The following GRIA1 variants were observed in gnomAD, a reference collection of about 807,000 sequenced individuals.
The protein encoded by GRIA1 is glutamate ionotropic receptor AMPA type subunit 1.
GRIA1 carries 31 observed loss-of-function variants against 99.2 expected under a neutral mutation model. The ratio of observed to expected loss-of-function variants is 0.31; its 90% CI spans 0.23 to 0.42. GRIA1 has a LOEUF of 0.42. Among genes scored for constraint, GRIA1 ranks in the 10% least tolerant of loss-of-function variants. The pLI, the probability that GRIA1 is intolerant of heterozygous loss-of-function variation, is 1.00. For missense variants in GRIA1, 782 were observed against 1,157.5 expected, an observed-to-expected ratio of 0.68 and a Z score of 4.71; for synonymous variants, 438 against 432.4, an observed-to-expected ratio of 1.01 and a Z score of -0.16.
intron 10 of GRIA1, 130 bp from the exon 11 acceptor site, chr5:153,705,567 G>T: frequency 8.2e-7 from 1 of 1,225,212 alleles, no homozygotes; most frequent in Non-Finnish European, 1.1e-6. Flanking sequence ...GGACTTCAAA[G>T]GTTCTTTCCC....
At chr5:153,644,075 C>T (rs906868893) in intron 2 of GRIA1, among the ~76,000 whole-genome samples, 6 of 152,126 alleles carry the variant, frequency 3.9e-5, no homozygotes, top group Non-Finnish European at 8.8e-5. Flanking sequence ...CCTAAAAATA[C>T]TGTAGAGAGT....
chr5:153,640,472 A>G, intron 2 of GRIA1, among the ~76,000 whole-genome samples: 1 of 152,122 alleles, frequency 6.6e-6, no homozygotes, highest in South Asian at 2.1e-4. Flanking sequence ...CCATACCCTG[A>G]CCCCAGTCAT....
intron 2 of GRIA1, among the ~76,000 whole-genome samples, chr5:153,615,421 C>T (rs530054610): frequency 3.3e-5 from 5 of 152,232 alleles, no homozygotes; most frequent in South Asian, 2.1e-4. Flanking sequence ...ATGAAAGGAC[C>T]GCTTGAGACC....
intron 2 of GRIA1, among the ~76,000 whole-genome samples, chr5:153,519,091 C>A (rs538513139): frequency 6.6e-6 from 1 of 151,982 alleles, no homozygotes; most frequent in Non-Finnish European, 1.5e-5. Flanking sequence ...CGTGAAACCC[C>A]GTCTCTACCA....
intron 2 of GRIA1, among the ~76,000 whole-genome samples, chr5:153,524,320 A>G (rs549795102): frequency 6.6e-6 from 1 of 152,270 alleles, no homozygotes; most frequent in East Asian, 1.9e-4. Context: ...AGTGAGACTC[A>G]GTTTAAAAAA....
intron 11 of GRIA1, among the ~76,000 whole-genome samples, chr5:153,736,132 A>G (rs530968027): frequency 6.6e-6 from 1 of 152,314 alleles, no homozygotes; most frequent in African/African-American, 2.4e-5. Flanking sequence ...TAGAAGTCAT[A>G]AAGAGCCATC....
At position 153,770,173 on chromosome 5, in the gene GRIA1, T is replaced by A; in HGVS notation, c.2028T>A (p.Ser676=). 1 of 1,613,874 alleles carries A rather than the reference T, an allele frequency of 6.2e-7. No homozygotes were observed. The highest frequency in any genetic ancestry group is 8.5e-7 in the Non-Finnish European group (1 of 1,179,782). ...AGSTKEFFRR[S]KIAVFEKMWT... ...TTTGTTTCTGTCCCTACCAGAGGTC[T>A]AAAATTGCTGTGTTTGAGAAGATGT... Residue 676 remains serine, a synonymous_variant, in exon 13 of 16, where the codon TCT becomes TCA. Transcript: ENST00000285900.
At chr5:153,511,079 A>G (rs1756022634) in intron 2 of GRIA1, among the ~76,000 whole-genome samples, 1 of 152,206 alleles carries the variant, frequency 6.6e-6, no homozygotes, top group Non-Finnish European at 1.5e-5. Flanking sequence ...TACAGTATGT[A>G]TTTTCCAAAC....
intron 8 of GRIA1, among the ~76,000 whole-genome samples, chr5:153,692,962 A>G (rs10036541): frequency 6.6e-6 from 1 of 152,204 alleles, no homozygotes; most frequent in Non-Finnish European, 1.5e-5. Context: ...AAAGTTACAC[A>G]TAAACTTATT....
intron 2 of GRIA1, among the ~76,000 whole-genome samples, chr5:153,617,585 T>A (rs1766625997): frequency 6.6e-6 from 1 of 152,186 alleles, no homozygotes; most frequent in Non-Finnish European, 1.5e-5. Flanking sequence ...TAGGGAGAAT[T>A]GGTACATGAG....
intron 7 of GRIA1, among the ~76,000 whole-genome samples, chr5:153,677,478 A>T (rs368855227): frequency 1.5e-4 from 23 of 152,322 alleles, no homozygotes; most frequent in African/African-American, 5.5e-4. Context: ...AACCATGTTA[A>T]TGGTCTCCTG....
chr5:153,729,259 A>T (rs1760828106), intron 11 of GRIA1, among the ~76,000 whole-genome samples: 1 of 152,034 alleles, frequency 6.6e-6, no homozygotes, highest in Non-Finnish European at 1.5e-5. Flanking sequence ...GGGGAGCGAT[A>T]GCATTAGGAG....
chr5:153,740,966 CTTTTTTTTT>C (rs10601141), intron 11 of GRIA1, among the ~76,000 whole-genome samples: 5 of 76,782 alleles, frequency 6.5e-5, no homozygotes, highest in South Asian at 1.5e-3. Context: ...AAGAAATTGG[CTTTTTTTTT>C]TTTTTTTTTT....
chr5:153,767,686 G>T (rs569993993), intron 12 of GRIA1, among the ~76,000 whole-genome samples: 1 of 152,282 alleles, frequency 6.6e-6, no homozygotes, highest in South Asian at 2.1e-4. Context: ...GAAAAAGCTG[G>T]CTTCTTGTCC....
intron 2 of GRIA1, among the ~76,000 whole-genome samples, chr5:153,501,741 G>T (rs1381960835): frequency 1.3e-5 from 2 of 152,302 alleles, no homozygotes; most frequent in East Asian, 1.9e-4. Context: ...GGGGACAGAG[G>T]CCAGGGGAAA....
intron 2 of GRIA1, among the ~76,000 whole-genome samples, chr5:153,571,647 G>T (rs998864057): frequency 5.9e-5 from 9 of 152,094 alleles, no homozygotes; most frequent in African/African-American, 2.2e-4. Flanking sequence ...AGAAATACAT[G>T]AAGCCGTAAC....
intron 5 of GRIA1, among the ~76,000 whole-genome samples, chr5:153,656,194 G>A (rs1240779978): frequency 1.3e-5 from 2 of 152,014 alleles, no homozygotes; most frequent in African/African-American, 4.8e-5. Context: ...ATTAATGCAA[G>A]ATGTCTTGAT....
intron 11 of GRIA1, among the ~76,000 whole-genome samples, chr5:153,730,847 T>G (rs772900874): frequency 1.3e-5 from 2 of 152,118 alleles, no homozygotes; most frequent in African/African-American, 4.8e-5. Context: ...ATAATTCATT[T>G]TCTCCTCTTA....
intron 2 of GRIA1, among the ~76,000 whole-genome samples, chr5:153,624,565 G>A (rs1767398888): frequency 6.6e-6 from 1 of 152,188 alleles, no homozygotes; most frequent in Non-Finnish European, 1.5e-5. Flanking sequence ...AGATTTTACA[G>A]TACCAGGAAT....
Sources: allele counts gnomAD v4.1 joint callset (sites outside exome capture counted in the v4.1 genomes callset), GRCh38; gene constraint gnomAD v4.1.1; transcripts MANE v1.5; gene names NCBI Gene and HGNC (gene_info 2026-07-23, HGNC 2026-07-21).